CD1C: variants seen among roughly 807,000 people sequenced by gnomAD.
The protein encoded by CD1C is CD1c molecule.
A neutral mutation model predicts 39.4 loss-of-function variants in CD1C; 47 were observed. That is an observed-to-expected ratio of 1.19 (90% CI 0.94 to 1.52). The LOEUF (loss-of-function observed/expected upper bound fraction) is 1.52, where lower values mean the gene tolerates loss of function less well. CD1C is among the 40% of genes most tolerant of loss of function. CD1C has a pLI of 0.00. For missense variants in CD1C, 417 were observed against 395.2 expected (o/e 1.06, Z -0.47); for synonymous variants, 165 against 150.8 (o/e 1.09, Z -0.69).
intron 1 of CD1C, 122 bp from the exon 2 acceptor site, chr1:158,291,012 A>T: frequency 2.0e-6 from 2 of 1,004,400 alleles, no homozygotes; most frequent in Non-Finnish European, 1.4e-6. Context: ...GGAAAATGGT[A>T]TAGCTAAAGT....
In CD1C at chr1:158,291,181, G is replaced by T. The variant is rs1384797190; in HGVS notation, c.109G>T (p.Val37Phe). The T allele has an allele frequency of 1.2e-6, 2 of 1,608,806 alleles. No individual in the cohort carries two copies. The highest frequency in any genetic ancestry group is 2.2e-5 in the East Asian group (1 of 44,664). ...CCATGTCATCCAGATCTTCTCATTT[G>T]TCAACCAATCCTGGGCACGAGGTCA... ...SFHVIQIFSF[V>F]NQSWARGQGS... The change falls in exon 2 of 6, where the codon GTC becomes TTC. Residue 37 changes from valine to phenylalanine, a missense_variant. Physicochemically the swap from Val to Phe is conservative, Grantham distance 50 (BLOSUM62 -1). Coordinates refer to ENST00000368170, the MANE Select transcript of CD1C (RefSeq NM_001765.3).
rs778402029 is a variant in CD1C, at chr1:158,292,560, G to A, written c.611-36G>A. 7.5e-6 allele frequency: 12 copies of A among 1,600,284 alleles called. No individual in the cohort carries two copies. In the East Asian group the frequency reaches 2.2e-4, roughly 30 times the overall value. ...GTATGTGGATGTAAGTTGTGTGTAAGTTTCTTCATCAGAACACTTTTTCTG... is the reference window on the plus strand; with the variant it reads ...GTATGTGGATGTAAGTTGTGTGTAAATTTCTTCATCAGAACACTTTTTCTG... On this transcript the variant is annotated intron_variant, in intron 3 of 5. Transcript: ENST00000368170.
At position 158,290,128 on chromosome 1, in the gene CD1C, A is replaced by C; in HGVS notation, c.61+3A>C. The C allele has an allele frequency of 3.1e-6, 5 of 1,613,430 alleles. No homozygotes were observed. The highest frequency in any genetic ancestry group is 4.2e-6 in the Non-Finnish European group (5 of 1,179,472). On this transcript the variant is annotated splice_donor_region_variant and intron_variant, in intron 1 of 5. Coordinates refer to ENST00000368170, the MANE Select transcript of CD1C (RefSeq NM_001765.3). ...CCCAGGTGGTGACAATGCAGACGGT[A>C]AGAACATCGCTGTCAGCTGCAAGGT...
At position 158,292,589 on chromosome 1, in the gene CD1C, T is replaced by C. The variant is rs1213540548; in HGVS notation, c.611-7T>C. On this transcript the variant is annotated splice_region_variant and splice_polypyrimidine_tract_variant and intron_variant, in intron 3 of 5. Transcript: ENST00000368170. ...CTTCATCAGAACACTTTTTCTGCTC[T>C]CTGCAGTGAGGCCAGAAGCCTGGCT... The C allele has an allele frequency of 6.2e-7, 1 of 1,611,450 alleles. No homozygotes were observed. Among genetic ancestry groups the C allele is most frequent in the Admixed American group, 1.7e-5 (1 of 59,878 alleles).
At chr1:158,292,917 C>A (rs374378621) in intron 4 of CD1C, 43 bp downstream of exon 4, 1 of 1,600,086 alleles carries the variant, frequency 6.2e-7, no homozygotes, top group Non-Finnish European at 8.5e-7. Flanking sequence ...GTTCTTGAGC[C>A]TAGAGGTTAG....
Position 158,292,948 on chromosome 1 carries a change from T to C in CD1C, c.889+74T>C, listed in dbSNP as rs1651103444. 6 of 1,435,636 alleles carry C rather than the reference T, an allele frequency of 4.2e-6. No individual in the cohort carries two copies. The Admixed American group carries it at 5.7e-5, about 14-fold the overall frequency. The allele number at this position is 1,435,636 out of a possible 1,614,324, so 88.9% of individuals were successfully genotyped here. Reference sequence around the variant, plus strand: ...GTTAGGGGAGAGGAAATTTTGAGGATAGCAGACCTAGGTGAGGGATTGTAG... The same window carrying C: ...GTTAGGGGAGAGGAAATTTTGAGGACAGCAGACCTAGGTGAGGGATTGTAG... On this transcript the variant is annotated intron_variant, in intron 4 of 5. Coordinates refer to ENST00000368170, the MANE Select transcript of CD1C (RefSeq NM_001765.3).
chr1:158,292,135 G>T lies in CD1C; in HGVS notation c.380G>T (p.Ser127Ile). 1.2e-6 allele frequency: 2 copies of T among 1,614,092 alleles called. No homozygotes were observed. ...KAGCELHSGK[S>I]PEGFFQVAFN... ...GGCTGTGAGCTGCATTCTGGAAAGAGCCCAGAAGGCTTCTTTCAGGTAGCT... is the reference window on the plus strand; with the variant it reads ...GGCTGTGAGCTGCATTCTGGAAAGATCCCAGAAGGCTTCTTTCAGGTAGCT... The change falls in exon 3 of 6, where the codon AGC (serine) becomes ATC (isoleucine). Residue 127 changes from serine to isoleucine, a missense_variant. Ser to Ile is a moderately radical substitution (Grantham distance 142, BLOSUM62 -2). Transcript: ENST00000368170.
chr1:158,292,470 G>T, intron 3 of CD1C, 105 bp downstream of exon 3: 1 of 1,482,754 alleles, frequency 6.7e-7, no homozygotes, highest in African/African-American at 1.4e-5. Flanking sequence ...GAAGCAGGGG[G>T]GTTGCTGGGT....
rs2101661584 is a variant in CD1C at position 158,293,181 on chromosome 1, T to C, written c.890-31T>C. On this transcript the variant is annotated intron_variant, in intron 4 of 5. Coordinates refer to ENST00000368170, the MANE Select transcript of CD1C (RefSeq NM_001765.3). ...AATAGAATCAGCAGTGAGTTTAAAA[T>C]GGCATCCATGTATCTTTCCAATATG... 2.0e-6 allele frequency: 3 copies of C among 1,518,120 alleles called. No homozygotes were observed. The East Asian group carries it at 6.8e-5, about 34-fold the overall frequency. 94.0% of individuals were successfully genotyped at this position (1,518,120 alleles called of 1,614,324 possible).
Position 158,289,940 on chromosome 1 carries a change from G to C in CD1C, c.-125G>C, listed in dbSNP as rs1034673187. 2 of 794,746 alleles carry C rather than the reference G, an allele frequency of 2.5e-6. No individual in the cohort carries two copies. Among genetic ancestry groups the C allele is most frequent in the African/African-American group, 3.4e-5 (2 of 58,796 alleles). The allele number at this position is 794,746 out of a possible 1,614,324, so 49.2% of individuals were successfully genotyped here. On this transcript the variant is annotated 5_prime_UTR_variant, in exon 1 of 6. Coordinates refer to ENST00000368170, the MANE Select transcript of CD1C (RefSeq NM_001765.3). ...AGGGAAGCAGATCTTCTTAGTTGCT[G>C]TCAGCGGCTGATGGGGAAGATTGTT...
chr1:158,291,627 C>T (rs1287725945), intron 2 of CD1C, among the ~76,000 whole-genome samples: 2 of 152,104 alleles, frequency 1.3e-5, no homozygotes, highest in Admixed American at 1.3e-4. Flanking sequence ...CCTGTGGTCT[C>T]CCTCTGTATC....
Position 158,291,128 on chromosome 1 carries a change from C to G in CD1C, c.62-6C>G, listed in dbSNP as rs1553189725. On this transcript the variant is annotated splice_polypyrimidine_tract_variant and splice_region_variant and intron_variant, in intron 1 of 5. Coordinates refer to ENST00000368170, the MANE Select transcript of CD1C (RefSeq NM_001765.3). ...CTTACACTACTTGCCCTTCTTCCAC[C>G]AAAAGCATCCCAGGAACACGTCTCC... 6.2e-7 allele frequency: 1 copy of G among 1,610,462 alleles called. No individual in the cohort carries two copies. The highest frequency in any genetic ancestry group is 1.3e-5 in the African/African-American group (1 of 74,522).
In CD1C at chr1:158,292,230, G is replaced by GC. The variant is rs1651067774; in HGVS notation, c.478dup (p.Gln160ProfsTer12). ...GCCATCTCCAGGCTGTGGAAGTTTG[G>GC]CCCAAAGTGTCTGTCATCTACTCAA... On this transcript the variant is annotated frameshift_variant, in exon 3 of 6. Coordinates refer to ENST00000368170, the MANE Select transcript of CD1C (RefSeq NM_001765.3). LOFTEE classifies it high-confidence loss of function. 6.2e-7 allele frequency: 1 copy of GC among 1,614,028 alleles called. No individual in the cohort carries two copies. The highest frequency in any genetic ancestry group is 1.3e-5 in the African/African-American group (1 of 74,902).
At position 158,291,330 on chromosome 1, in the gene CD1C, G is replaced by A. The variant is rs748928571; in HGVS notation, c.258G>A (p.Leu86=). ...FSNEELSDLE[L]LFRFYLFGLT... ...ATGAAGAGTTGTCAGACCTAGAGTT[G>A]TTATTTCGTTTCTACCTCTTTGGAT... Residue 86 remains leucine, a synonymous_variant, in exon 2 of 6, where the codon TTG becomes TTA. Transcript: ENST00000368170. 24 of 1,613,944 alleles carry A rather than the reference G, an allele frequency of 1.5e-5. No homozygotes were observed. Among genetic ancestry groups the A allele is most frequent in the African/African-American group, 2.7e-5 (2 of 74,890 alleles).
Position 158,291,337 on chromosome 1 carries a change from C to T in CD1C, c.265C>T (p.Arg89Cys), listed in dbSNP as rs145638725. ...EELSDLELLFRFYLFGLTREI... is the reference protein window; with the variant it reads ...EELSDLELLFCFYLFGLTREI... ...GTTGTCAGACCTAGAGTTGTTATTT[C>T]GTTTCTACCTCTTTGGATTAACTCG... Residue 89 changes from arginine to cysteine, a missense_variant, in exon 2 of 6, where the codon CGT becomes TGT. Physicochemically the swap from Arg to Cys is radical, Grantham distance 180. Coordinates refer to ENST00000368170, the MANE Select transcript of CD1C (RefSeq NM_001765.3). 27 of 1,613,950 alleles carry T rather than the reference C, an allele frequency of 1.7e-5. No homozygotes were observed. The highest frequency in any genetic ancestry group is 1.9e-5 in the Non-Finnish European group (23 of 1,179,968).
At position 158,292,387 on chromosome 1, in the gene CD1C, C is replaced by T. The variant is rs771185947; in HGVS notation, c.610+22C>T. 9 of 1,599,608 alleles carry T rather than the reference C, an allele frequency of 5.6e-6. No homozygotes were observed. In the African/African-American group the frequency reaches 1.2e-4, roughly 21 times the overall value. ...CAAGGTCAGTAGTTTCAGCCCCTTCCTCTAAGATTTTTCTATTCAAGTACT... is the reference window on the plus strand; with the variant it reads ...CAAGGTCAGTAGTTTCAGCCCCTTCTTCTAAGATTTTTCTATTCAAGTACT... On this transcript the variant is annotated intron_variant, in intron 3 of 5. Coordinates refer to ENST00000368170, the MANE Select transcript of CD1C (RefSeq NM_001765.3).
rs758572704 is a variant in CD1C at position 158,293,603 on chromosome 1, T to A, written c.*127T>A. The A allele has an allele frequency of 1.0e-5, 16 of 1,607,716 alleles. No individual in the cohort carries two copies. In the Admixed American group the frequency reaches 2.7e-4, roughly 27 times the overall value. On this transcript the variant is annotated 3_prime_UTR_variant, in exon 6 of 6. Transcript: ENST00000368170. ...TCTCTTTCTGCATAATAAACATTTG[T>A]TAATAAAAACCAAATTCTAATTTGG...
At position 158,293,482 on chromosome 1, in the gene CD1C, T is replaced by C. The variant is rs1557802521; in HGVS notation, c.*6T>C. ...CATATCAGGACATCCTGTGAGACTC[T>C]TCCCCCTGACTCCCCCATTGTGTTA... On this transcript the variant is annotated 3_prime_UTR_variant, in exon 6 of 6. Transcript: ENST00000368170. The C allele has an allele frequency of 6.2e-7, 1 of 1,614,196 alleles. No individual in the cohort carries two copies. The highest frequency in any genetic ancestry group is 8.5e-7 in the Non-Finnish European group (1 of 1,180,032).
At chr1:158,293,418 C>T in intron 5 of CD1C, 37 bp from the exon 6 acceptor site, 2 of 1,611,940 alleles carry the variant, frequency 1.2e-6, no homozygotes, top group Non-Finnish European at 1.7e-6. Flanking sequence ...CCACCTCCAA[C>T]TTATTCAGGG....
Sources: gnomAD v4.1 joint callset for allele counts (sites outside exome capture counted in the v4.1 genomes callset) on GRCh38, gnomAD v4.1.1 for gene constraint, MANE v1.5 for transcripts, NCBI Gene and HGNC (gene_info 2026-07-23, HGNC 2026-07-21) for gene names.